PRR15L: variants seen among roughly 807,000 people sequenced by gnomAD.
PRR15L encodes the protein proline rich 15 like.
A neutral mutation model predicts 3.7 loss-of-function variants in PRR15L; 1 was observed. The observed-to-expected ratio is 0.27, with a 90% CI of 0.09 to 1.27. PRR15L has a LOEUF of 1.27. PRR15L is among the 50% of genes most tolerant of loss of function. The pLI is 0.47. For synonymous variants in PRR15L, 57 were observed against 51.9 expected (o/e 1.10, Z -0.42); for missense variants, 127 against 128.7 (o/e 0.99, Z 0.06).
chr17:47,953,086 TC>T lies in PRR15L; in HGVS notation c.148del (p.Asp50ThrfsTer33), dbSNP rs1376507414. On this transcript the variant is annotated frameshift_variant, in exon 2 of 2. Coordinates refer to ENST00000300557, the MANE Select transcript of PRR15L (RefSeq NM_024320.4). LOFTEE classifies it high-confidence loss of function. ...AATCTTCTCCAGGCGGGTGTTAAAG[TC>T]GCTGTTGGGGCCTCCAGCGTCAGGC... is the stretch of plus-strand genomic sequence containing the variant. ...PRPDAGGPNS[D>X]FNTRLEKIVD... is the part of the protein sequence containing the mutation. 6.2e-7 allele frequency: 1 copy of T among 1,614,054 alleles called. No homozygotes were observed. Among genetic ancestry groups the T allele is most frequent in the Non-Finnish European group, 8.5e-7 (1 of 1,180,028 alleles).
chr17:47,956,671 T>A (rs2036132093), intron 1 of PRR15L, among the ~76,000 whole-genome samples: 1 of 152,208 alleles, frequency 6.6e-6, no homozygotes, highest in Admixed American at 6.5e-5. Flanking sequence ...GTAGGATCTG[T>A]AAATAGTCAT....
In PRR15L at chr17:47,952,808, G is replaced by T. The variant is rs558514445; in HGVS notation, c.*115C>A. 2 of 1,052,290 alleles carry T rather than the reference G, an allele frequency of 1.9e-6. No homozygotes were observed. The highest frequency in any genetic ancestry group is 2.7e-6 in the Non-Finnish European group (2 of 740,102). 65.2% of individuals were successfully genotyped at this position (1,052,290 alleles called of 1,614,324 possible). A position where few individuals can be genotyped will look rare whatever the true frequency, so the allele number is the denominator to read the frequency against. ...AAAAACAGCCATTTCCTGCCAGCAG[G>T]TATCAACTGGCCCCACAGCTTCAGC... On this transcript the variant is annotated 3_prime_UTR_variant, in exon 2 of 2. Coordinates refer to ENST00000300557, the MANE Select transcript of PRR15L (RefSeq NM_024320.4).
rs774804474 is a variant in PRR15L at position 47,953,000 on chromosome 17, TCTC to T, written c.232_234del (p.Glu78del). 1 of 1,614,104 alleles carries T rather than the reference TCTC, an allele frequency of 6.2e-7. No homozygotes were observed. The highest frequency in any genetic ancestry group is 1.7e-5 in the Admixed American group (1 of 60,014). ...GCCAGCGTGGCTCTCACTTTCTTCTTCTCCTTGAAGCGTCCTGAGTTGGAGACC... is the reference window on the plus strand; with the variant it reads ...GCCAGCGTGGCTCTCACTTTCTTCTTCTTGAAGCGTCCTGAGTTGGAGACC... On this transcript the variant is annotated inframe_deletion, in exon 2 of 2. Coordinates refer to ENST00000300557, the MANE Select transcript of PRR15L (RefSeq NM_024320.4).
rs35883535 is a variant in PRR15L, at chr17:47,952,600, TCTC to T, written c.*320_*322del. 5 of 109,122 alleles carry T rather than the reference TCTC, an allele frequency of 4.6e-5. No individual in the cohort carries two copies. The highest frequency in any genetic ancestry group is 2.5e-4 in the African/African-American group (5 of 20,044). 6.8% of individuals were successfully genotyped at this position (109,122 alleles called of 1,614,324 possible). ...GAGGTGAAGTCTGTCTGGCTCACTCTCTCCATTCCCTGCCATGCCCACCTCCCT... is the reference window on the plus strand; with the variant it reads ...GAGGTGAAGTCTGTCTGGCTCACTCTCATTCCCTGCCATGCCCACCTCCCT... On this transcript the variant is annotated 3_prime_UTR_variant, in exon 2 of 2. Coordinates refer to ENST00000300557, the MANE Select transcript of PRR15L (RefSeq NM_024320.4).
rs2036079019 is a variant in PRR15L, at chr17:47,952,617, G to A, written c.*306C>T. ...GCTCACTCTCTCCATTCCCTGCCATGCCCACCTCCCTGCTGGCCCTGCCAT... is the reference window on the plus strand; with the variant it reads ...GCTCACTCTCTCCATTCCCTGCCATACCCACCTCCCTGCTGGCCCTGCCAT... On this transcript the variant is annotated 3_prime_UTR_variant, in exon 2 of 2. Transcript: ENST00000300557. 1 of 300,708 alleles carries A rather than the reference G, an allele frequency of 3.3e-6. No homozygotes were observed. Among genetic ancestry groups the A allele is most frequent in the Non-Finnish European group, 6.2e-6 (1 of 160,462 alleles). 18.6% of individuals were successfully genotyped at this position (300,708 alleles called of 1,614,324 possible).
chr17:47,957,668 A>AC lies in PRR15L; in HGVS notation c.-42dup. 1 of 152,256 alleles carries AC rather than the reference A, an allele frequency of 6.6e-6. No individual in the cohort carries two copies. Among genetic ancestry groups the AC allele is most frequent in the Admixed American group, 6.5e-5 (1 of 15,274 alleles). The allele number at this position is 152,256 out of a possible 1,614,324, so 9.4% of individuals were successfully genotyped here. ...CCCTCTGCCTGTACCTGTAATCCCG[A>AC]CTGCTCCAGGCTGGAGGTGAGACCT... On this transcript the variant is annotated 5_prime_UTR_variant, in exon 1 of 2. Transcript: ENST00000300557.
intron 1 of PRR15L, among the ~76,000 whole-genome samples, chr17:47,954,758 G>A (rs945923839): frequency 5.9e-5 from 9 of 152,042 alleles, no homozygotes; most frequent in African/African-American, 1.5e-4. Context: ...TGGTGAGGTC[G>A]GTGGTCTTGT....
Position 47,952,933 on chromosome 17 carries a change from G to GACC in PRR15L, c.299_301dup (p.Arg100_Ser101insTrp), listed in dbSNP as rs1307697382. On this transcript the variant is annotated inframe_insertion, in exon 2 of 2. Coordinates refer to ENST00000300557, the MANE Select transcript of PRR15L (RefSeq NM_024320.4). ...ACCCTCCTCAGCCCTTCACTTTGAT[G>GACC]ACCGTCCTTCCTCGTGATCATCAAA... 6.2e-7 allele frequency: 1 copy of GACC among 1,612,540 alleles called. No individual in the cohort carries two copies. The highest frequency in any genetic ancestry group is 2.2e-5 in the East Asian group (1 of 44,848).
intron 1 of PRR15L, 87 bp from the exon 2 acceptor site, chr17:47,953,350 A>G: frequency 1.3e-6 from 1 of 786,734 alleles, no homozygotes; most frequent in Non-Finnish European, 2.0e-6. Context: ...ACTCCTAATC[A>G]TGGGCTGTTT....
At chr17:47,955,593 G>A (rs999361402) in intron 1 of PRR15L, among the ~76,000 whole-genome samples, 1 of 152,214 alleles carries the variant, frequency 6.6e-6, no homozygotes, top group Non-Finnish European at 1.5e-5. Flanking sequence ...AAGTGAAGGA[G>A]CAGTGAGAGG....
intron 1 of PRR15L, 21 bp from the exon 2 acceptor site, chr17:47,953,284 A>G (rs1192951719): frequency 6.4e-6 from 8 of 1,244,028 alleles, no homozygotes; most frequent in South Asian, 1.8e-5. Context: ...AGGGTGGGGG[A>G]GACAAAGGGG....
chr17:47,954,300 T>C (rs957257804), intron 1 of PRR15L, among the ~76,000 whole-genome samples: 1 of 152,180 alleles, frequency 6.6e-6, no homozygotes, highest in Non-Finnish European at 1.5e-5. Context: ...TTAGCTCTAC[T>C]GTTAATCCCT....
chr17:47,953,165 A>C lies in PRR15L; in HGVS notation c.70T>G (p.Tyr24Asp). 6.2e-7 allele frequency: 1 copy of C among 1,611,904 alleles called. No individual in the cohort carries two copies. Among genetic ancestry groups the C allele is most frequent in the Middle Eastern group, 1.7e-4 (1 of 6,056 alleles). ...TGGGCATAGGTGTCAGGGATCTCAT[A>C]CAGCACTTTGGGAGTGGATTTCTTT... is the stretch of plus-strand genomic sequence containing the variant. ...RKKKSTPKVL[Y>D]EIPDTYAQTE... The change falls in exon 2 of 2, where the codon TAT becomes GAT. Residue 24 changes from tyrosine to aspartate, a missense_variant. Transcript: ENST00000300557.
chr17:47,953,820 G>T (rs556901653), intron 1 of PRR15L, among the ~76,000 whole-genome samples: 16 of 152,318 alleles, frequency 1.1e-4, no homozygotes, highest in African/African-American at 3.8e-4. Flanking sequence ...GAAGCCACTC[G>T]CCAGACAGAG....
At chr17:47,956,733 A>G (rs994215259) in intron 1 of PRR15L, among the ~76,000 whole-genome samples, 1 of 152,242 alleles carries the variant, frequency 6.6e-6, no homozygotes, top group South Asian at 2.1e-4. Flanking sequence ...CAAACAAAAA[A>G]GGTGATGTGA....
rs138373764 is a variant in PRR15L at position 47,952,723 on chromosome 17, G to A, written c.*200C>T. 3,576 of 541,158 alleles carry A rather than the reference G, an allele frequency of 6.6e-3. 15 individuals carry two copies. The highest frequency in any genetic ancestry group is 9.2e-3 in the Non-Finnish European group (2,839 of 308,110). The allele number at this position is 541,158 out of a possible 1,614,324, so 33.5% of individuals were successfully genotyped here. A position where few individuals can be genotyped will look rare whatever the true frequency, so the allele number is the denominator to read the frequency against. On this transcript the variant is annotated 3_prime_UTR_variant, in exon 2 of 2. Transcript: ENST00000300557. The stretch of plus-strand genomic sequence containing the variant: ...GCCTTTGTATGTGGTCAGGGGGAGG[G>A]TGGAGGACCCTGGGATCTCCCAGGC...
chr17:47,953,461 C>T (rs573323600), intron 1 of PRR15L, among the ~76,000 whole-genome samples, 198 bp from the exon 2 acceptor site: 2 of 152,236 alleles, frequency 1.3e-5, no homozygotes, highest in South Asian at 4.1e-4. Flanking sequence ...GAGTTCAAGA[C>T]AGGCCTGGCC....
At position 47,952,310 on chromosome 17, in the gene PRR15L, A is replaced by G. The variant is rs1050264647; in HGVS notation, c.*613T>C. 6.6e-6 allele frequency: 1 copy of G among 152,090 alleles called. No homozygotes were observed. Among genetic ancestry groups the G allele is most frequent in the African/African-American group, 2.4e-5 (1 of 41,398 alleles). The allele number at this position is 152,090 out of a possible 1,614,324, so 9.4% of individuals were successfully genotyped here. On this transcript the variant is annotated 3_prime_UTR_variant, in exon 2 of 2. Coordinates refer to ENST00000300557, the MANE Select transcript of PRR15L (RefSeq NM_024320.4). The stretch of plus-strand genomic sequence containing the variant: ...GAACTAACAGGCCAAACTACCATCA[A>G]TCTAGTCTTCTACAGCACCCTAACA...
At chr17:47,957,418 T>TG (rs1162769519) in intron 1 of PRR15L, among the ~76,000 whole-genome samples, 1 of 152,120 alleles carries the variant, frequency 6.6e-6, no homozygotes, top group African/African-American at 2.4e-5. Context: ...TGCTCCAGAC[T>TG]GGGGGGTCAG....
Sources: gnomAD v4.1 joint callset for allele counts (sites outside exome capture counted in the v4.1 genomes callset) on GRCh38, gnomAD v4.1.1 for gene constraint, MANE v1.5 for transcripts, NCBI Gene and HGNC (gene_info 2026-07-23, HGNC 2026-07-21) for gene names.